SBF1: variants seen among roughly 807,000 people sequenced by gnomAD.
SBF1 encodes the protein myotubularin-related protein 5.
In SBF1, 65 loss-of-function variants were observed where a neutral mutation model predicts 215.8. That is an observed-to-expected ratio of 0.30 (90% CI 0.25 to 0.37). The LOEUF is 0.37. Among genes scored for constraint, SBF1 ranks in the 10% least tolerant of loss-of-function variants. The pLI, the probability that SBF1 is intolerant of heterozygous loss-of-function variation, is 1.00. For missense variants in SBF1, 2,634 were observed against 2,667.8 expected, an observed-to-expected ratio of 0.99 and a Z score of 0.28; for synonymous variants, 1,410 against 1,122.8, an observed-to-expected ratio of 1.26 and a Z score of -5.11.
chr22:50,457,174 G>A (rs958613416), intron 28 of SBF1, 63 bp from the exon 29 acceptor site: 128 of 1,323,092 alleles, frequency 9.7e-5, no homozygotes, highest in East Asian at 1.2e-4. Flanking sequence ...CCAGCTTGGG[G>A]GTGCCTACAG....
At chr22:50,448,782 G>A (rs2066933799) in intron 36 of SBF1, 132 bp from the exon 37 acceptor site, 2 of 653,778 alleles carry the variant, frequency 3.1e-6, no homozygotes. Flanking sequence ...CACAGGGGGA[G>A]GTGGCAAGAG....
At chr22:50,460,838 G>T in intron 23 of SBF1, 126 bp from the exon 24 acceptor site, 1 of 1,075,158 alleles carries the variant, frequency 9.3e-7, no homozygotes, top group Non-Finnish European at 1.3e-6. Context: ...CCAGGCAAAG[G>T]CCTGTATCTG....
chr22:50,464,321 G>C lies in SBF1; in HGVS notation c.1749+8C>G. 6.2e-7 allele frequency: 1 copy of C among 1,609,080 alleles called. No individual in the cohort carries two copies. The highest frequency in any genetic ancestry group is 8.5e-7 in the Non-Finnish European group (1 of 1,176,188). ...CCCTGGCCCGGCTGGAGCCTGCACA[G>C]CCCTCACCTTCTTGGCCTCAAGCAT... On this transcript the variant is annotated splice_region_variant and intron_variant, in intron 15 of 40. Transcript: ENST00000380817.
intron 16 of SBF1, 37 bp from the exon 17 acceptor site, chr22:50,462,975 C>T (rs1431345386): frequency 1.3e-6 from 2 of 1,579,228 alleles, no homozygotes; most frequent in Admixed American, 1.8e-5. Flanking sequence ...GACCTCTCCC[C>T]TCCCAGGCAG....
intron 6 of SBF1, 41 bp from the exon 7 acceptor site, chr22:50,466,523 C>G: frequency 6.5e-7 from 1 of 1,530,972 alleles, no homozygotes; most frequent in Non-Finnish European, 8.8e-7. Context: ...CCTGGGCCCC[C>G]ACCCAGGCAG....
In SBF1 at chr22:50,455,162, G is replaced by T; in HGVS notation, c.4555-20C>A. The T allele has an allele frequency of 6.2e-7, 1 of 1,614,038 alleles. No homozygotes were observed. Among genetic ancestry groups the T allele is most frequent in the Non-Finnish European group, 8.5e-7 (1 of 1,180,004 alleles). ...GTGGACCTGCACGCCATGTGGGTCA[G>T]GGGCCAGGGCTCAGCGGTCAGGGTG... is the stretch of plus-strand genomic sequence containing the variant. On this transcript the variant is annotated intron_variant, in intron 33 of 40. Transcript: ENST00000380817.
chr22:50,461,901 C>T (rs769874382), intron 20 of SBF1, 32 bp from the exon 21 acceptor site: 1 of 1,614,016 alleles, frequency 6.2e-7, no homozygotes, highest in South Asian at 1.1e-5. Context: ...ACTTTGTGCC[C>T]AGCCCCACCC....
intron 40 of SBF1, 21 bp downstream of exon 40, chr22:50,447,301 C>A: frequency 6.2e-7 from 1 of 1,613,490 alleles, no homozygotes; most frequent in Non-Finnish European, 8.5e-7. Context: ...TCCCCTCTCC[C>A]AAGCCCCGGC....
intron 10 of SBF1, 92 bp downstream of exon 10, chr22:50,465,669 TGG>T: frequency 8.2e-7 from 1 of 1,214,866 alleles, no homozygotes; most frequent in East Asian, 2.6e-5. Flanking sequence ...GGGGCCAGCC[TGG>T]GGGTGGGGCC....
chr22:50,459,449 A>G (rs1429347649), intron 27 of SBF1, 21 bp downstream of exon 27: 2 of 1,611,678 alleles, frequency 1.2e-6, no homozygotes, highest in Admixed American at 1.7e-5. Flanking sequence ...GGGCAGGCAC[A>G]GGGCAGGACG....
chr22:50,472,979 G>A (rs934212719), intron 1 of SBF1, among the ~76,000 whole-genome samples: 1 of 152,136 alleles, frequency 6.6e-6, no homozygotes, highest in Non-Finnish European at 1.5e-5. Flanking sequence ...GGGAAGGGGG[G>A]GCACCTTGGG....
In SBF1 at chr22:50,466,340, C is replaced by T. The variant is rs372317099; in HGVS notation, c.788+10G>A. 1.7e-4 allele frequency: 263 copies of T among 1,583,012 alleles called. No homozygotes were observed. The African/African-American group carries it at 2.8e-3, about 17-fold the overall frequency. ...AGGAGAAGGGGCTGGGAGGGCCGGG[C>T]AGGGGTCACCTGTATCTGAGAGGAA... On this transcript the variant is annotated intron_variant, in intron 7 of 40. Transcript: ENST00000380817.
At chr22:50,474,666 C>CA in intron 1 of SBF1, 120 bp downstream of exon 1, 2 of 788,968 alleles carry the variant, frequency 2.5e-6, no homozygotes, top group Non-Finnish European at 3.6e-6. Context: ...TCCTCGGCCT[C>CA]CCGACCCAGC....
chr22:50,461,281 C>T lies in SBF1; in HGVS notation c.2845G>A (p.Glu949Lys), dbSNP rs1556425189. ...GGGAAGGAGCGGACCACCACCTGCTCCCCAACTTAGGACAGGCCAGGCAGA... is the reference window on the plus strand; with the variant it reads ...GGGAAGGAGCGGACCACCACCTGCTTCCCAACTTAGGACAGGCCAGGCAGA... ...TGMPTDPLVG[E>K]QVVVRSFPVA... is the part of the protein sequence containing the mutation. Residue 949 changes from glutamate (E) to lysine (K), a missense_variant, in exon 23 of 41, where the codon GAG becomes AAG. Physicochemically the swap from Glu to Lys is moderately conservative, Grantham distance 56 (BLOSUM62 1). Transcript: ENST00000380817. 6.2e-7 allele frequency: 1 copy of T among 1,609,648 alleles called. No individual in the cohort carries two copies. The highest frequency in any genetic ancestry group is 1.7e-5 in the Admixed American group (1 of 59,524).
Position 50,460,663 on chromosome 22 carries a change from A to G in SBF1, c.3017T>C (p.Leu1006Pro). The change falls in exon 24 of 41, where the codon CTC (leucine) becomes CCC (proline). Residue 1006 changes from leucine (L) to proline (P), a missense_variant. Transcript: ENST00000380817. The stretch of plus-strand genomic sequence containing the variant: ...CAGCTTATGCAGCTGCTTACGGAAG[A>G]GCTCGGCGCTGTCAGACCCCACCTC... ...DEEVGSDSAE[L>P]FRKQLHKLRY... The G allele has an allele frequency of 6.2e-7, 1 of 1,613,946 alleles. No homozygotes were observed. Among genetic ancestry groups the G allele is most frequent in the Non-Finnish European group, 8.5e-7 (1 of 1,180,022 alleles).
chr22:50,455,104 C>G lies in SBF1; in HGVS notation c.4593G>C (p.Gln1531His). ...LQFPMEFEFSQFYLKFLGYHH... is the reference protein window; with the variant it reads ...LQFPMEFEFSHFYLKFLGYHH... ...GGTAGCCGAGGAACTTGAGGTAGAA[C>G]TGGCTGAACTCAAACTCCATGGGGA... The change falls in exon 34 of 41, where the codon CAG (glutamine) becomes CAC (histidine). Residue 1531 changes from glutamine (Q) to histidine (H), a missense_variant. Physicochemically the swap from Gln to His is conservative, Grantham distance 24 (BLOSUM62 0). Transcript: ENST00000380817. 1 of 1,614,160 alleles carries G rather than the reference C, an allele frequency of 6.2e-7. No homozygotes were observed.
intron 31 of SBF1, 45 bp downstream of exon 31, chr22:50,456,171 G>A (rs115510950): frequency 1.3e-6 from 2 of 1,591,980 alleles, no homozygotes; most frequent in African/African-American, 1.3e-5. Flanking sequence ...CCCAAGGGGA[G>A]GGCCCAGCAC....
rs754111011 is a variant in SBF1 at position 50,459,992 on chromosome 22, G to A, written c.3451C>T (p.Arg1151Cys). Residue 1151 changes from arginine to cysteine, a missense_variant, in exon 26 of 41, where the codon CGC (arginine) becomes TGC (cysteine). Arg to Cys is a radical substitution (Grantham distance 180, BLOSUM62 -3). Coordinates refer to ENST00000380817, the MANE Select transcript of SBF1 (RefSeq NM_002972.4). ...TACATGCGGTTGACCGGAGAAATGC[G>A]GAAGGGCTCAGACTTGGCCCGGCTC... Reference protein sequence around the residue: ...SLSRAKSEPFRISPVNRMYAI... With the variant: ...SLSRAKSEPFCISPVNRMYAI... 16 of 1,613,844 alleles carry A rather than the reference G, an allele frequency of 9.9e-6. No homozygotes were observed. The highest frequency in any genetic ancestry group is 6.7e-5 in the East Asian group (3 of 44,898).
rs758202300 is a variant in SBF1 at position 50,461,782 on chromosome 22, C to T, written c.2643+14G>A. ...GGGCCTTGGGCCCCCGCAGCCCCAA[C>T]GGCCCCCGCAAACCTTCTGGATGGG... On this transcript the variant is annotated intron_variant, in intron 21 of 40. Coordinates refer to ENST00000380817, the MANE Select transcript of SBF1 (RefSeq NM_002972.4). The T allele has an allele frequency of 5.0e-6, 8 of 1,612,550 alleles. No individual in the cohort carries two copies. Among genetic ancestry groups the T allele is most frequent in the South Asian group, 2.2e-5 (2 of 91,046 alleles).
Sources: allele counts gnomAD v4.1 joint callset (sites outside exome capture counted in the v4.1 genomes callset), GRCh38; gene constraint gnomAD v4.1.1; transcripts MANE v1.5; gene names NCBI Gene and HGNC (gene_info 2026-07-23, HGNC 2026-07-21).